ZMIZ1: variants seen among roughly 807,000 people sequenced by gnomAD.
ZMIZ1 encodes zinc finger MIZ domain-containing protein 1.
In ZMIZ1, 17 loss-of-function variants were observed where a neutral mutation model predicts 113.9. The ratio of observed to expected loss-of-function variants is 0.15; its 90% CI spans 0.10 to 0.22. ZMIZ1 has a LOEUF of 0.22. Ranked by LOEUF, ZMIZ1 falls within the 10% of genes least tolerant of loss-of-function variation. The probability of loss-of-function intolerance (pLI) is 1.00; values close to 1 mark genes in which losing one functional copy is unlikely to be tolerated. For synonymous variants in ZMIZ1, 607 were observed against 603.1 expected (o/e 1.01, Z -0.09); for missense variants, 1,059 against 1,477.8 (o/e 0.72, Z 4.65).
At chr10:79,133,408 GA>G (rs1454242441) in intron 2 of ZMIZ1, among the ~76,000 whole-genome samples, 1 of 152,192 alleles carries the variant, frequency 6.6e-6, no homozygotes, top group East Asian at 1.9e-4. Context: ...GGGAGGAAAG[GA>G]AGAATATTCC....
chr10:79,243,184 G>A (rs1849956849), intron 7 of ZMIZ1, among the ~76,000 whole-genome samples: 1 of 151,130 alleles, frequency 6.6e-6, no homozygotes, highest in South Asian at 2.1e-4. Flanking sequence ...GCACACGCAG[G>A]GTGGGTGGTC....
chr10:79,098,340 A>G (rs1210822342), intron 1 of ZMIZ1, among the ~76,000 whole-genome samples: 2 of 152,154 alleles, frequency 1.3e-5, no homozygotes, highest in South Asian at 4.1e-4. Flanking sequence ...TGTGGTGGTT[A>G]GCACAAGCAC....
At chr10:79,070,088 C>G (rs1334808840) in intron 1 of ZMIZ1, among the ~76,000 whole-genome samples, 3 of 82,770 alleles carry the variant, frequency 3.6e-5, no homozygotes, top group Non-Finnish European at 7.5e-5. Context: ...GCGGTGGCCC[C>G]GGGGGAGTGG....
chr10:79,071,287 A>C (rs1159992768), intron 1 of ZMIZ1, among the ~76,000 whole-genome samples: 1 of 152,196 alleles, frequency 6.6e-6, no homozygotes, highest in East Asian at 1.9e-4. Flanking sequence ...CAGAGGGTTA[A>C]CCAGTGCCGA....
chr10:79,300,853 A>G lies in ZMIZ1; in HGVS notation c.1930A>G (p.Asn644Asp), dbSNP rs913706067. 3.7e-6 allele frequency: 6 copies of G among 1,613,624 alleles called. No homozygotes were observed. The highest frequency in any genetic ancestry group is 5.1e-6 in the Non-Finnish European group (6 of 1,179,980). ...GCCCCTCACCATTGAGCGCGGCGAC[A>G]ACAAGACCTCCCACAAGCCCCTGCA... ...ATPLTIERGD[N>D]KTSHKPLHLK... is the part of the protein sequence containing the mutation. Residue 644 changes from asparagine to aspartate, a missense_variant, in exon 17 of 25, where the codon AAC becomes GAC. Transcript: ENST00000334512.
Position 79,107,754 on chromosome 10 carries a change from T to C in ZMIZ1, c.-336-11161T>C, listed in dbSNP as rs116816667. Reference sequence around the variant, plus strand: ...CTGGCAGATAGCAACCTCCAAAACTTCTCTGGACAGAGGATGGCACTCATG... The same window carrying C: ...CTGGCAGATAGCAACCTCCAAAACTCCTCTGGACAGAGGATGGCACTCATG... On this transcript the variant is annotated intron_variant, in intron 1 of 24. Transcript: ENST00000334512. 8.7e-3 allele frequency among the ~76,000 whole-genome samples: 1,318 copies of C among 152,262 alleles called. 26 individuals are homozygous for C. The highest frequency in any genetic ancestry group is 0.027 in the African/African-American group (1,114 of 41,536).
chr10:79,278,478 T>C (rs1209073732), intron 8 of ZMIZ1, among the ~76,000 whole-genome samples: 1 of 152,032 alleles, frequency 6.6e-6, no homozygotes, highest in Non-Finnish European at 1.5e-5. Context: ...CTTGGGTGTT[T>C]CTCGGAGAGG....
At chr10:79,284,700 A>C (rs1210249454) in intron 8 of ZMIZ1, among the ~76,000 whole-genome samples, 1 of 152,236 alleles carries the variant, frequency 6.6e-6, no homozygotes, top group Admixed American at 6.5e-5. Context: ...GACTGAAAGT[A>C]ACATGTCCAA....
At chr10:79,101,235 G>T (rs1158260454) in intron 1 of ZMIZ1, among the ~76,000 whole-genome samples, 4 of 152,160 alleles carry the variant, frequency 2.6e-5, no homozygotes, top group Non-Finnish European at 4.4e-5. Context: ...AATGGAAGGG[G>T]TTCTCAGCAC....
At chr10:79,190,899 T>G (rs1476840513) in intron 4 of ZMIZ1, among the ~76,000 whole-genome samples, 1 of 152,192 alleles carries the variant, frequency 6.6e-6, no homozygotes, top group East Asian at 1.9e-4. Flanking sequence ...GTGGATCTGC[T>G]TGGTGGCCTC....
chr10:79,075,134 G>A (rs1435659552), intron 1 of ZMIZ1, among the ~76,000 whole-genome samples: 1 of 152,224 alleles, frequency 6.6e-6, no homozygotes, highest in Non-Finnish European at 1.5e-5. Context: ...CCAGCTGAGG[G>A]CCTGGGGACT....
intron 7 of ZMIZ1, among the ~76,000 whole-genome samples, chr10:79,232,831 T>G (rs1295900965): frequency 6.6e-6 from 1 of 152,210 alleles, no homozygotes; most frequent in Non-Finnish European, 1.5e-5. Context: ...TTGGTGTCCC[T>G]GTGCAAGATG....
At chr10:79,159,998 G>A (rs569394539) in intron 3 of ZMIZ1, among the ~76,000 whole-genome samples, 9 of 152,344 alleles carry the variant, frequency 5.9e-5, no homozygotes, top group East Asian at 1.9e-4. Flanking sequence ...AGGGCTTTTC[G>A]GCTCTGGCTT....
chr10:79,289,174 C>A (rs769829774), intron 8 of ZMIZ1, among the ~76,000 whole-genome samples: 1 of 151,864 alleles, frequency 6.6e-6, no homozygotes. Context: ...CATGAGAGAT[C>A]GGGGTGGGGG....
At chr10:79,312,525 G>T in intron 24 of ZMIZ1, 117 bp from the exon 25 acceptor site, 3 of 1,055,074 alleles carry the variant, frequency 2.8e-6, no homozygotes, top group South Asian at 2.8e-5. Context: ...CCCTTTTTTT[G>T]GCTAGGGTCC....
chr10:79,202,189 GAAAAAAAA>G (rs58021590), intron 5 of ZMIZ1, among the ~76,000 whole-genome samples: 14 of 52,638 alleles, frequency 2.7e-4, no homozygotes, highest in East Asian at 1.2e-3. Flanking sequence ...CCCTGTCTCA[GAAAAAAAA>G]AAAAAAAAAA....
At chr10:79,169,322 A>G (rs1262882721) in intron 4 of ZMIZ1, among the ~76,000 whole-genome samples, 1 of 152,156 alleles carries the variant, frequency 6.6e-6, no homozygotes, top group Non-Finnish European at 1.5e-5. Flanking sequence ...GCCCCCAGCA[A>G]TTCCCTCTCA....
intron 4 of ZMIZ1, among the ~76,000 whole-genome samples, chr10:79,186,320 C>A (rs1356480933): frequency 6.6e-6 from 1 of 152,248 alleles, no homozygotes. Flanking sequence ...TAAACAAATT[C>A]TCTTCCTGTC....
intron 3 of ZMIZ1, among the ~76,000 whole-genome samples, chr10:79,149,712 G>A (rs1250724373): frequency 6.6e-6 from 1 of 152,208 alleles, no homozygotes; most frequent in Admixed American, 6.5e-5. Context: ...GCAAGAGCTC[G>A]CCCTCCAGGA....
Sources: allele counts gnomAD v4.1 joint callset (sites outside exome capture counted in the v4.1 genomes callset), GRCh38; gene constraint gnomAD v4.1.1; transcripts MANE v1.5; gene names NCBI Gene and HGNC (gene_info 2026-07-23, HGNC 2026-07-21).